Variants in PLCG2 observed in about 807,000 individuals in gnomAD.
PLCG2 encodes phospholipase C gamma 2.
PLCG2 carries 69 observed loss-of-function variants against 175.6 expected under a neutral mutation model. The observed-to-expected ratio is 0.39, with a 90% CI of 0.32 to 0.48. The LOEUF is 0.48. Ranked by LOEUF, PLCG2 falls within the 20% of genes least tolerant of loss-of-function variation. The pLI is 0.91. For synonymous variants in PLCG2, 827 were observed against 624.0 expected, an observed-to-expected ratio of 1.33 and a Z score of -4.85; for missense variants, 1,798 against 1,650.9, an observed-to-expected ratio of 1.09 and a Z score of -1.54.
At chr16:81,934,975 CGTG>C (rs1910647959) in intron 26 of PLCG2, among the ~76,000 whole-genome samples, 1 of 151,884 alleles carries the variant, frequency 6.6e-6, no homozygotes, top group Non-Finnish European at 1.5e-5. Flanking sequence ...TCCCATAACA[CGTG>C]GGAATTATGG....
intron 14 of PLCG2, among the ~76,000 whole-genome samples, chr16:81,904,425 T>A (rs1488484812): frequency 2.0e-5 from 3 of 152,180 alleles, no homozygotes; most frequent in Admixed American, 2.0e-4. Context: ...TGCGTGGGAG[T>A]CCAGGTGTCA....
intron 30 of PLCG2, among the ~76,000 whole-genome samples, chr16:81,943,238 T>C (rs149856415): frequency 0.01 from 1,545 of 152,276 alleles, 11 homozygotes; most frequent in Non-Finnish European, 0.015. Context: ...GGGTAATTTA[T>C]AAAGAAAAGA....
intron 2 of PLCG2, among the ~76,000 whole-genome samples, chr16:81,760,814 C>T (rs1343753416): frequency 6.6e-6 from 1 of 151,440 alleles, no homozygotes; most frequent in African/African-American, 2.4e-5. Context: ...CCTATAATCC[C>T]AGCACTTTGG....
At chr16:81,787,752 G>C (rs57480004) in intron 2 of PLCG2, among the ~76,000 whole-genome samples, 1 of 151,572 alleles carries the variant, frequency 6.6e-6, no homozygotes, top group Non-Finnish European at 1.5e-5. Context: ...CCTACCAGAC[G>C]TAAGCAACCG....
intron 7 of PLCG2, among the ~76,000 whole-genome samples, chr16:81,876,561 G>A (rs1009734659): frequency 6.6e-6 from 1 of 152,272 alleles, no homozygotes; most frequent in Admixed American, 6.5e-5. Context: ...CCTGGGGCCC[G>A]ACTCAGAGAT....
chr16:81,841,132 CTGT>C (rs1170324130), intron 2 of PLCG2, among the ~76,000 whole-genome samples: 3 of 152,214 alleles, frequency 2.0e-5, no homozygotes, highest in Non-Finnish European at 2.9e-5. Context: ...GGCAACAACT[CTGT>C]TGTTTATTAT....
intron 2 of PLCG2, among the ~76,000 whole-genome samples, chr16:81,788,621 C>T (rs959266235): frequency 3.4e-4 from 52 of 152,190 alleles, no homozygotes; most frequent in African/African-American, 1.1e-3. Flanking sequence ...ATCTATGCTG[C>T]GTGGCTGCTG....
intron 2 of PLCG2, among the ~76,000 whole-genome samples, chr16:81,843,196 C>A (rs1360049934): frequency 6.6e-6 from 1 of 152,290 alleles, no homozygotes; most frequent in African/African-American, 2.4e-5. Context: ...TTGTTTCAGT[C>A]ACTATGAGCC....
chr16:81,784,864 T>G (rs752517107), intron 1 of PLCG2, among the ~76,000 whole-genome samples: 2 of 152,102 alleles, frequency 1.3e-5, no homozygotes, highest in Non-Finnish European at 2.9e-5. Flanking sequence ...GCCTTCACTC[T>G]AAGTCCTATT....
rs541223238 is a variant in PLCG2 at position 81,797,948 on chromosome 16, A to T, written c.193+11766A>T. Among the ~76,000 whole-genome samples, 14 of 151,872 alleles carry T rather than the reference A, an allele frequency of 9.2e-5. No homozygotes were observed. The South Asian group carries it at 2.9e-3, about 32-fold the overall frequency. On this transcript the variant is annotated intron_variant, in intron 2 of 32. Transcript: ENST00000564138. The stretch of plus-strand genomic sequence containing the variant: ...CGGGTTCAAGCAATTATTCTGCCTC[A>T]GCCTCCTGAGTAGCTGGGATTACAG...
intron 2 of PLCG2, among the ~76,000 whole-genome samples, chr16:81,791,978 C>A (rs753181088): frequency 6.6e-6 from 1 of 152,182 alleles, no homozygotes; most frequent in Non-Finnish European, 1.5e-5. Flanking sequence ...ACATCACTTG[C>A]ACCAACTCAG....
intron 19 of PLCG2, among the ~76,000 whole-genome samples, chr16:81,916,973 C>T (rs184477931): frequency 6.6e-6 from 1 of 152,230 alleles, no homozygotes; most frequent in Admixed American, 6.5e-5. Flanking sequence ...CTATGCTGTA[C>T]CATAGATCTC....
chr16:81,858,418 C>A, intron 4 of PLCG2, 62 bp downstream of exon 4: 3 of 1,159,242 alleles, frequency 2.6e-6, no homozygotes, highest in South Asian at 1.2e-5. Flanking sequence ...CTGCCTTTAG[C>A]CAACATGGGC....
At chr16:81,882,399 G>T (rs1218136606) in intron 8 of PLCG2, among the ~76,000 whole-genome samples, 1 of 152,122 alleles carries the variant, frequency 6.6e-6, no homozygotes, top group African/African-American at 2.4e-5. Flanking sequence ...CTGGAGTCTG[G>T]TGGGGCCTCA....
intron 25 of PLCG2, among the ~76,000 whole-genome samples, chr16:81,933,496 C>G (rs1341562909): frequency 2.6e-5 from 4 of 152,040 alleles, no homozygotes; most frequent in African/African-American, 4.8e-5. Context: ...GCCTCACCAA[C>G]TGTATTGTGA....
In PLCG2 at chr16:81,870,790, G is replaced by A. The variant is rs925846486; in HGVS notation, c.565-62G>A. The A allele has an allele frequency of 2.0e-5, 17 of 852,434 alleles. 1 individual carries two copies. Among genetic ancestry groups the A allele is most frequent in the Admixed American group, 4.7e-5 (2 of 42,978 alleles). 52.8% of individuals were successfully genotyped at this position (852,434 alleles called of 1,614,324 possible). A position where few individuals can be genotyped will look rare whatever the true frequency, so the allele number is the denominator to read the frequency against. On this transcript the variant is annotated intron_variant, in intron 6 of 32. Coordinates refer to ENST00000564138, the MANE Select transcript of PLCG2 (RefSeq NM_002661.5). ...TGAAACAAAAATTATTCTATAAATA[G>A]CATGGAGCCATTCTTACGGTGGACA...
chr16:81,839,994 A>T (rs988303486), intron 2 of PLCG2, among the ~76,000 whole-genome samples: 120 of 152,274 alleles, frequency 7.9e-4, no homozygotes, highest in African/African-American at 2.8e-3. Context: ...GAGTTCAAGG[A>T]TGCAGTGAGC....
At chr16:81,797,870 C>G (rs1038820778) in intron 2 of PLCG2, among the ~76,000 whole-genome samples, 1 of 149,994 alleles carries the variant, frequency 6.7e-6, no homozygotes, top group Non-Finnish European at 1.5e-5. Flanking sequence ...CTCACTCTGT[C>G]CCCAGGCTGA....
intron 2 of PLCG2, among the ~76,000 whole-genome samples, chr16:81,844,666 C>T (rs1038035454): frequency 1.9e-4 from 29 of 152,290 alleles, no homozygotes; most frequent in African/African-American, 6.3e-4. Context: ...TCGTGAACCT[C>T]GTACAGCAGG....
Sources: gnomAD v4.1 joint callset for allele counts (sites outside exome capture counted in the v4.1 genomes callset) on GRCh38, gnomAD v4.1.1 for gene constraint, MANE v1.5 for transcripts, NCBI Gene and HGNC (gene_info 2026-07-23, HGNC 2026-07-21) for gene names.